Variants in PCCB observed in about 807,000 individuals in gnomAD.
The protein encoded by PCCB is propionyl-CoA carboxylase beta chain, mitochondrial.
Under a neutral mutation model 60.7 loss-of-function variants are expected in PCCB, and 43 were observed. That is an observed-to-expected ratio of 0.71 (90% CI 0.55 to 0.91). The LOEUF (loss-of-function observed/expected upper bound fraction) is 0.91, where lower values mean the gene tolerates loss of function less well. Ranked by LOEUF, PCCB falls within the 40% of genes least tolerant of loss-of-function variation. PCCB has a pLI of 0.00. For missense variants in PCCB, 766 were observed against 702.8 expected (o/e 1.09, Z -1.02); for synonymous variants, 276 against 255.9 (o/e 1.08, Z -0.75).
chr3:136,313,868 G>T (rs938092776), intron 9 of PCCB, among the ~76,000 whole-genome samples: 1 of 152,184 alleles, frequency 6.6e-6, no homozygotes, highest in African/African-American at 2.4e-5. Flanking sequence ...AGTACATTTT[G>T]AGGGTAGTAG....
chr3:136,313,246 T>C (rs1242891938), intron 9 of PCCB, among the ~76,000 whole-genome samples: 2 of 152,158 alleles, frequency 1.3e-5, no homozygotes, highest in Non-Finnish European at 2.9e-5. Context: ...CATACAAAAT[T>C]ATAGATGTAC....
At chr3:136,259,347 C>T in intron 3 of PCCB, 1 of 391,244 alleles carries the variant, frequency 2.6e-6, no homozygotes, top group Non-Finnish European at 4.5e-6. Flanking sequence ...TGCCTGTAAT[C>T]CCAGCTACTC....
chr3:136,300,121 T>A (rs922614606), intron 8 of PCCB, among the ~76,000 whole-genome samples: 2 of 151,610 alleles, frequency 1.3e-5, no homozygotes, highest in South Asian at 2.1e-4. Flanking sequence ...TATCTACACG[T>A]GTATATATGT....
chr3:136,280,598 G>C (rs550407159), intron 5 of PCCB, among the ~76,000 whole-genome samples: 2 of 152,176 alleles, frequency 1.3e-5, no homozygotes, highest in Non-Finnish European at 2.9e-5. Flanking sequence ...CACCTGCCTT[G>C]GTCTCCCAAA....
chr3:136,316,356 C>T (rs1426415603), intron 9 of PCCB, among the ~76,000 whole-genome samples: 1 of 152,004 alleles, frequency 6.6e-6, no homozygotes, highest in South Asian at 2.1e-4. Flanking sequence ...CCCTCCGTTG[C>T]CCAGGCTAGA....
intron 7 of PCCB, among the ~76,000 whole-genome samples, chr3:136,294,978 C>G (rs1464923862): frequency 1.3e-5 from 2 of 152,162 alleles, no homozygotes; most frequent in Non-Finnish European, 2.9e-5. Context: ...TATTCTGTGC[C>G]TCAGCACTGA....
chr3:136,292,896 A>C (rs1352208533), intron 6 of PCCB, among the ~76,000 whole-genome samples: 3 of 152,190 alleles, frequency 2.0e-5, no homozygotes, highest in African/African-American at 7.2e-5. Context: ...TAGACTTTCC[A>C]CTGTATCTCC....
At chr3:136,262,923 A>G (rs1941863367) in intron 5 of PCCB, among the ~76,000 whole-genome samples, 2 of 150,042 alleles carry the variant, frequency 1.3e-5, no homozygotes, top group Admixed American at 1.3e-4. Flanking sequence ...AATATCATCT[A>G]GTTGAATACA....
intron 9 of PCCB, among the ~76,000 whole-genome samples, chr3:136,307,377 G>A (rs1485057136): frequency 6.6e-6 from 1 of 152,008 alleles, no homozygotes. Flanking sequence ...TATATGTTTA[G>A]TTTCAGAAAA....
At position 136,298,049 on chromosome 3, in the gene PCCB, C is replaced by G. The variant is rs779786032; in HGVS notation, c.861C>G (p.Pro287=). Residue 287 remains proline (P), a synonymous_variant, in exon 8 of 15, where the codon CCC becomes CCG. Transcript: ENST00000251654. The part of the protein sequence containing the change: ...YLPLSSQDPA[P]VRECHDPSDR... ...CCCTGAGCAGTCAGGACCCGGCTCC[C>G]GTCCGTGAGTGCCACGATCCCAGGT... 2 of 1,614,010 alleles carry G rather than the reference C, an allele frequency of 1.2e-6. No individual in the cohort carries two copies. Among genetic ancestry groups the G allele is most frequent in the Non-Finnish European group, 8.5e-7 (1 of 1,180,000 alleles).
At chr3:136,326,998 C>T (rs759539147) in intron 11 of PCCB, 88 bp downstream of exon 11, 6 of 1,134,430 alleles carry the variant, frequency 5.3e-6, no homozygotes, top group Admixed American at 5.1e-5. Flanking sequence ...CAGAACTCCC[C>T]GAGGACTTGT....
At chr3:136,268,087 G>GATATATATATATATATATATAT (rs61160895) in intron 5 of PCCB, among the ~76,000 whole-genome samples, 7 of 93,790 alleles carry the variant, frequency 7.5e-5, no homozygotes, top group Non-Finnish European at 1.5e-4. Context: ...TGTGTGTGTA[G>GATATATATATATATATATATAT]ATATATATAT....
chr3:136,259,873 C>G (rs897475484), intron 3 of PCCB, among the ~76,000 whole-genome samples: 3 of 152,098 alleles, frequency 2.0e-5, no homozygotes, highest in Non-Finnish European at 4.4e-5. Flanking sequence ...CTGCCTCAGC[C>G]TCCCGAGTAG....
intron 10 of PCCB, among the ~76,000 whole-genome samples, chr3:136,318,847 G>A (rs1935007709): frequency 6.6e-6 from 1 of 152,134 alleles, no homozygotes; most frequent in South Asian, 2.1e-4. Flanking sequence ...CCACCTTTGG[G>A]TTACTGTGAA....
intron 9 of PCCB, among the ~76,000 whole-genome samples, chr3:136,302,019 G>A (rs1372810150): frequency 6.6e-6 from 1 of 152,200 alleles, no homozygotes; most frequent in Middle Eastern, 3.2e-3. Context: ...TTGGAAGTCA[G>A]TTCAGCCCAA....
In PCCB at chr3:136,305,416, A is replaced by C. The variant is rs1934423118; in HGVS notation, c.966+4305A>C. On this transcript the variant is annotated intron_variant, in intron 9 of 14. Coordinates refer to ENST00000251654, the MANE Select transcript of PCCB (RefSeq NM_000532.5). The stretch of plus-strand genomic sequence containing the variant: ...CCATATATTTACTTTTAACTCAAAA[A>C]GTATTGTATTATTACACTTTTTTAT... Among the ~76,000 whole-genome samples the C allele has an allele frequency of 1.6e-5, 2 of 121,824 alleles. 1 individual carries two copies. The highest frequency in any genetic ancestry group is 5.0e-5 in the African/African-American group (2 of 40,010). 79.9% of individuals were successfully genotyped at this position (121,824 alleles called of 152,430 possible). A position where few individuals can be genotyped will look rare whatever the true frequency, so the allele number is the denominator to read the frequency against.
chr3:136,321,788 T>G (rs1033097449), intron 10 of PCCB, among the ~76,000 whole-genome samples: 1 of 152,228 alleles, frequency 6.6e-6, no homozygotes, highest in African/African-American at 2.4e-5. Context: ...ATTCTACTGG[T>G]TTATTGCCAA....
chr3:136,274,630 A>G (rs1309042025), intron 5 of PCCB, among the ~76,000 whole-genome samples: 1 of 152,198 alleles, frequency 6.6e-6, no homozygotes, highest in African/African-American at 2.4e-5. Flanking sequence ...TGAATTTCCC[A>G]GGAGTTCTTT....
At chr3:136,312,336 T>C (rs1340174702) in intron 9 of PCCB, among the ~76,000 whole-genome samples, 1 of 152,176 alleles carries the variant, frequency 6.6e-6, no homozygotes, top group Non-Finnish European at 1.5e-5. Context: ...TACCAAACAC[T>C]GTATGCAGTT....
Sources: gnomAD v4.1 joint callset for allele counts (sites outside exome capture counted in the v4.1 genomes callset) on GRCh38, gnomAD v4.1.1 for gene constraint, MANE v1.5 for transcripts, NCBI Gene and HGNC (gene_info 2026-07-23, HGNC 2026-07-21) for gene names.